The following LIPN variants were observed in gnomAD, a reference collection of about 807,000 sequenced individuals.
LIPN encodes the protein lipase member N.
LIPN carries 32 observed loss-of-function variants against 43.7 expected under a neutral mutation model. The ratio of observed to expected loss-of-function variants is 0.73; its 90% CI spans 0.55 to 0.98. LIPN has a LOEUF of 0.98. LIPN is among the 50% of genes least tolerant of loss of function. The probability of loss-of-function intolerance (pLI) is 0.00; values close to 1 mark genes in which losing one functional copy is unlikely to be tolerated. For missense variants in LIPN, 505 were observed against 483.8 expected, an observed-to-expected ratio of 1.04 and a Z score of -0.41; for synonymous variants, 156 against 157.6, an observed-to-expected ratio of 0.99 and a Z score of 0.08.
chr10:88,766,409 T>C, intron 5 of LIPN, 31 bp downstream of exon 5: 2 of 1,291,106 alleles, frequency 1.5e-6, no homozygotes, highest in Non-Finnish European at 1.1e-6. Flanking sequence ...GTTAGGTGTG[T>C]TTTTGAGGGT....
chr10:88,758,720 C>A (rs1842957177), upstream of LIPN, among the ~76,000 whole-genome samples: 1 of 151,694 alleles, frequency 6.6e-6, no homozygotes, highest in Non-Finnish European at 1.5e-5. Flanking sequence ...TTTGTTTCTG[C>A]ACAAACAAAA....
upstream of LIPN, among the ~76,000 whole-genome samples, chr10:88,759,423 G>A (rs1321726506): frequency 6.6e-6 from 1 of 152,122 alleles, no homozygotes; most frequent in Non-Finnish European, 1.5e-5. Flanking sequence ...GGGCTTAGAG[G>A]TAAATTGTCG....
intron 6 of LIPN, chr10:88,769,586 A>C (rs1843172187): frequency 1.0e-6 from 1 of 984,426 alleles, no homozygotes; most frequent in Admixed American, 6.2e-5. Flanking sequence ...CATTTAATCA[A>C]ATTCCAGATT....
At chr10:88,769,276 A>G (rs546350446) in intron 6 of LIPN, among the ~76,000 whole-genome samples, 10 of 151,934 alleles carry the variant, frequency 6.6e-5, no homozygotes, top group Non-Finnish European at 1.2e-4. Flanking sequence ...ACATTGCCCA[A>G]ATGAAAGACA....
At chr10:88,763,113 C>T (rs998500224) in intron 3 of LIPN, among the ~76,000 whole-genome samples, 1 of 152,006 alleles carries the variant, frequency 6.6e-6, no homozygotes, top group African/African-American at 2.4e-5. Flanking sequence ...CCTCTTTTAT[C>T]TCCAGTTTCA....
At chr10:88,766,240 T>C in intron 4 of LIPN, 29 bp from the exon 5 acceptor site, 1 of 1,090,358 alleles carries the variant, frequency 9.2e-7, no homozygotes, top group Non-Finnish European at 1.4e-6. Flanking sequence ...CTTGCAAGTA[T>C]TTATAAAAGC....
chr10:88,775,951 T>C (rs1843290209), intron 9 of LIPN, among the ~76,000 whole-genome samples: 1 of 152,096 alleles, frequency 6.6e-6, no homozygotes, highest in African/African-American at 2.4e-5. Flanking sequence ...GTTAGAGGAA[T>C]AATTCTACTA....
chr10:88,759,409 T>C (rs767221389), upstream of LIPN, among the ~76,000 whole-genome samples: 10 of 152,168 alleles, frequency 6.6e-5, no homozygotes, highest in Non-Finnish European at 1.3e-4. Context: ...TGGTATCTCA[T>C]GTGGGGCTTA....
chr10:88,775,341 C>T (rs1208044523), intron 9 of LIPN, among the ~76,000 whole-genome samples, 178 bp downstream of exon 9: 1 of 151,640 alleles, frequency 6.6e-6, no homozygotes, highest in Non-Finnish European at 1.5e-5. Context: ...ATTAAAGAAG[C>T]ATATACAAAG....
Position 88,761,413 on chromosome 10 carries a change from G to T in LIPN, c.8G>T (p.Trp3Leu), listed in dbSNP as rs545956431. 1 of 1,608,446 alleles carries T rather than the reference G, an allele frequency of 6.2e-7. No homozygotes were observed. The highest frequency in any genetic ancestry group is 1.1e-5 in the South Asian group (1 of 90,938). MM[W>L]LLLTTTCLIC... is the part of the protein sequence containing the mutation. Reference sequence around the variant, plus strand: ...TTTATGCCAGGCATTTCTATGATGTGGCTGCTTTTAACAACAACTTGTTTG... The same window carrying T: ...TTTATGCCAGGCATTTCTATGATGTTGCTGCTTTTAACAACAACTTGTTTG... Residue 3 changes from tryptophan (W) to leucine (L), a missense_variant, in exon 2 of 10, where the codon TGG becomes TTG. Physicochemically the swap from Trp to Leu is moderately conservative, Grantham distance 61. Transcript: ENST00000404459.
intron 4 of LIPN, 76 bp from the exon 5 acceptor site, chr10:88,766,193 A>G: frequency 1.3e-6 from 1 of 741,478 alleles, no homozygotes. Flanking sequence ...TGGGTGTAAA[A>G]AAGAAGTGAG....
chr10:88,766,407 T>G (rs1843100273), intron 5 of LIPN, 29 bp downstream of exon 5: 2 of 1,335,572 alleles, frequency 1.5e-6, no homozygotes, highest in Non-Finnish European at 2.2e-6. Flanking sequence ...CTGTTAGGTG[T>G]GTTTTTGAGG....
intron 6 of LIPN, chr10:88,769,648 T>G: frequency 2.4e-6 from 2 of 837,870 alleles, no homozygotes; most frequent in South Asian, 1.1e-4. Flanking sequence ...AAAATTGAAG[T>G]CAAGGAGACC....
At chr10:88,774,030 C>G (rs1843253854) in intron 7 of LIPN, among the ~76,000 whole-genome samples, 1 of 151,910 alleles carries the variant, frequency 6.6e-6, no homozygotes, top group Non-Finnish European at 1.5e-5. Flanking sequence ...CACAGAAACT[C>G]AAAGATGTTA....
At chr10:88,767,391 G>A (rs1163928268) in intron 5 of LIPN, among the ~76,000 whole-genome samples, 2 of 151,622 alleles carry the variant, frequency 1.3e-5, no homozygotes, top group South Asian at 2.1e-4. Context: ...TTGAGCATTC[G>A]TTATGTGTAG....
chr10:88,760,344 C>T (rs303462), intron 1 of LIPN, among the ~76,000 whole-genome samples: 36,078 of 151,868 alleles, frequency 0.24, 4,429 homozygotes, highest in East Asian at 0.36. Flanking sequence ...AAATAACATA[C>T]GTGAACTATT....
chr10:88,771,406 T>TC (rs1843207001), intron 7 of LIPN, among the ~76,000 whole-genome samples: 1 of 151,710 alleles, frequency 6.6e-6, no homozygotes. Context: ...TCTTTATCCT[T>TC]CCCCCTCCCC....
At chr10:88,763,150 G>A (rs1843031130) in intron 3 of LIPN, among the ~76,000 whole-genome samples, 1 of 151,946 alleles carries the variant, frequency 6.6e-6, no homozygotes, top group Non-Finnish European at 1.5e-5. Context: ...TGAGATATGA[G>A]TAGTTTTACT....
chr10:88,759,693 G>C (rs1403583353), upstream of LIPN, among the ~76,000 whole-genome samples: 1 of 152,052 alleles, frequency 6.6e-6, no homozygotes, highest in African/African-American at 2.4e-5. Flanking sequence ...TCCTCATGAA[G>C]GATCAAATGG....
Sources: gnomAD v4.1 joint callset for allele counts (sites outside exome capture counted in the v4.1 genomes callset) on GRCh38, gnomAD v4.1.1 for gene constraint, MANE v1.5 for transcripts, NCBI Gene and HGNC (gene_info 2026-07-23, HGNC 2026-07-21) for gene names.